Variants in CDH12 observed in about 807,000 individuals in gnomAD.
CDH12 encodes the protein cadherin-12.
Under a neutral mutation model 74.1 loss-of-function variants are expected in CDH12, and 41 were observed. That is an observed-to-expected ratio of 0.55 (90% CI 0.43 to 0.72). CDH12 has a LOEUF of 0.72. CDH12 is among the 30% of genes least tolerant of loss of function. The pLI is 0.00. For synonymous variants in CDH12, 399 were observed against 355.0 expected, an observed-to-expected ratio of 1.12 and a Z score of -1.39; for missense variants, 945 against 977.2, an observed-to-expected ratio of 0.97 and a Z score of 0.44.
chr5:21,786,432 G>A (rs750539084), intron 10 of CDH12, among the ~76,000 whole-genome samples: 16 of 152,010 alleles, frequency 1.1e-4, no homozygotes, highest in Admixed American at 3.9e-4. Flanking sequence ...GATTACAGGC[G>A]TGAGCCACCA....
At chr5:22,441,188 T>G (rs1744608686) in intron 2 of CDH12, among the ~76,000 whole-genome samples, 1 of 152,194 alleles carries the variant, frequency 6.6e-6, no homozygotes, top group African/African-American at 2.4e-5. Context: ...ACATGTATAT[T>G]TGTGAACATC....
At chr5:22,352,332 C>CT (rs545329689) in intron 3 of CDH12, among the ~76,000 whole-genome samples, 2 of 151,654 alleles carry the variant, frequency 1.3e-5, no homozygotes, top group South Asian at 2.1e-4. Flanking sequence ...TATCCCTGAC[C>CT]TTTTTTTTCT....
chr5:22,045,780 T>A (rs1739906791), intron 5 of CDH12, among the ~76,000 whole-genome samples: 1 of 152,136 alleles, frequency 6.6e-6, no homozygotes, highest in Admixed American at 6.6e-5. Context: ...GTAGTTACCA[T>A]CGGCTGAGGA....
In CDH12 at chr5:22,300,166, C is replaced by T. The variant is rs187365187; in HGVS notation, c.-332-87523G>A. ...TACAAAAATAGCATTGTCTAAAAGG[C>T]ACATCTATTTGCATTAAAGATGTGG... On this transcript the variant is annotated intron_variant, in intron 3 of 14. Coordinates refer to ENST00000382254, the MANE Select transcript of CDH12 (RefSeq NM_004061.5). Among the ~76,000 whole-genome samples the T allele has an allele frequency of 3.2e-3, 491 of 152,214 alleles. 3 individuals are homozygous for T. The highest frequency in any genetic ancestry group is 5.0e-3 in the Admixed American group (76 of 15,296).
chr5:21,945,671 A>G (rs1483735191), intron 6 of CDH12, among the ~76,000 whole-genome samples: 1 of 151,890 alleles, frequency 6.6e-6, no homozygotes, highest in Admixed American at 6.6e-5. Context: ...AAAAGAAGAG[A>G]GCACAGAGCA....
intron 3 of CDH12, among the ~76,000 whole-genome samples, chr5:22,275,926 T>C (rs886202465): frequency 6.6e-6 from 1 of 152,174 alleles, no homozygotes; most frequent in Non-Finnish European, 1.5e-5. Context: ...GCATAGCAAA[T>C]ATTTTAAAGT....
intron 3 of CDH12, among the ~76,000 whole-genome samples, chr5:22,316,966 T>C (rs1315243429): frequency 6.6e-6 from 1 of 152,160 alleles, no homozygotes; most frequent in Non-Finnish European, 1.5e-5. Context: ...TCAGGAGGAA[T>C]ATTGCTACTC....
chr5:22,321,558 T>C (rs1738883726), intron 3 of CDH12, among the ~76,000 whole-genome samples: 1 of 145,974 alleles, frequency 6.9e-6, no homozygotes, highest in Non-Finnish European at 1.5e-5. Flanking sequence ...GACGAGTTAG[T>C]GGGTGCAGCG....
At chr5:22,487,576 CAA>C (rs1228953060) in intron 2 of CDH12, among the ~76,000 whole-genome samples, 1 of 151,824 alleles carries the variant, frequency 6.6e-6, no homozygotes, top group Non-Finnish European at 1.5e-5. Flanking sequence ...AAAACAAAAA[CAA>C]AATAAAAACA....
intron 2 of CDH12, among the ~76,000 whole-genome samples, chr5:22,499,526 A>G (rs1040582115): frequency 7.9e-5 from 12 of 152,184 alleles, no homozygotes; most frequent in African/African-American, 2.9e-4. Flanking sequence ...ACAATGTAAC[A>G]AAGTTGATAT....
intron 1 of CDH12, among the ~76,000 whole-genome samples, chr5:22,622,498 C>T (rs1290273511): frequency 7.9e-5 from 12 of 152,112 alleles, no homozygotes; most frequent in African/African-American, 2.2e-4. Context: ...ATATCACCAC[C>T]GATCCCACAG....
rs1308963840 is a variant in CDH12 at position 22,127,146 on chromosome 5, C to A, written c.-186-48284G>T. On this transcript the variant is annotated intron_variant, in intron 4 of 14. Coordinates refer to ENST00000382254, the MANE Select transcript of CDH12 (RefSeq NM_004061.5). ...ACTATATTGTGCATTTTCAAATAAG[C>A]ACATATAAAAGATGAGCTATAAGAA... Among the ~76,000 whole-genome samples the A allele has an allele frequency of 3.3e-5, 5 of 151,916 alleles. No homozygotes were observed. The East Asian group carries it at 9.7e-4, about 29-fold the overall frequency.
chr5:22,242,515 C>G (rs963385761), intron 3 of CDH12, among the ~76,000 whole-genome samples: 1 of 152,174 alleles, frequency 6.6e-6, no homozygotes, highest in Admixed American at 6.5e-5. Flanking sequence ...AATCTCCCAT[C>G]TCTAAATCCA....
chr5:21,944,781 G>A (rs1755494397), intron 6 of CDH12, among the ~76,000 whole-genome samples: 1 of 151,994 alleles, frequency 6.6e-6, no homozygotes, highest in South Asian at 2.1e-4. Context: ...TTTTCACTTG[G>A]AGGAAACAAA....
chr5:21,912,894 G>A (rs1250143222), intron 6 of CDH12, among the ~76,000 whole-genome samples: 2 of 152,152 alleles, frequency 1.3e-5, no homozygotes, highest in African/African-American at 4.8e-5. Context: ...CCAAGCTGGA[G>A]TGCAGTGGCC....
At chr5:22,813,609 A>G (rs1242970573) in intron 1 of CDH12, among the ~76,000 whole-genome samples, 3 of 152,024 alleles carry the variant, frequency 2.0e-5, no homozygotes, top group Admixed American at 6.6e-5. Context: ...GTTACATACA[A>G]TTGTAAGCAA....
intron 6 of CDH12, among the ~76,000 whole-genome samples, chr5:21,915,699 G>A (rs1754053767): frequency 6.6e-6 from 1 of 152,008 alleles, no homozygotes. Flanking sequence ...ACTTGGGATG[G>A]GGAAAATGAG....
intron 3 of CDH12, among the ~76,000 whole-genome samples, chr5:22,333,453 G>A (rs1308579617): frequency 6.6e-6 from 1 of 152,044 alleles, no homozygotes; most frequent in Non-Finnish European, 1.5e-5. Flanking sequence ...TGCACATTCT[G>A]CATGTGTATC....
intron 3 of CDH12, among the ~76,000 whole-genome samples, chr5:22,253,490 T>A (rs1249347526): frequency 6.6e-6 from 1 of 151,994 alleles, no homozygotes; most frequent in East Asian, 1.9e-4. Context: ...GTCTGAATAA[T>A]CTGATAAATA....
Sources: gnomAD v4.1 joint callset for allele counts (sites outside exome capture counted in the v4.1 genomes callset) on GRCh38, gnomAD v4.1.1 for gene constraint, MANE v1.5 for transcripts, NCBI Gene and HGNC (gene_info 2026-07-23, HGNC 2026-07-21) for gene names.